The following MMUT variants were observed in gnomAD, a reference collection of about 807,000 sequenced individuals.
The protein encoded by MMUT is methylmalonyl-CoA mutase.
In MMUT, 79 loss-of-function variants were observed where a neutral mutation model predicts 79.9. That is an observed-to-expected ratio of 0.99 (90% CI 0.82 to 1.19). The LOEUF (loss-of-function observed/expected upper bound fraction) is 1.19, where lower values mean the gene tolerates loss of function less well. MMUT is among the 50% of genes most tolerant of loss of function. The pLI is 0.00. For missense variants in MMUT, 860 were observed against 917.2 expected (o/e 0.94, Z 0.81); for synonymous variants, 273 against 295.7 (o/e 0.92, Z 0.79).
At chr6:49,450,060 G>A (rs1170413854) in intron 6 of MMUT, among the ~76,000 whole-genome samples, 6 of 151,676 alleles carry the variant, frequency 4.0e-5, no homozygotes, top group East Asian at 3.9e-4. Flanking sequence ...GTGAACCCCC[G>A]TCTCCATTAA....
intron 4 of MMUT, among the ~76,000 whole-genome samples, chr6:49,455,122 C>T (rs1445628545): frequency 6.6e-6 from 1 of 150,612 alleles, no homozygotes; most frequent in Non-Finnish European, 1.5e-5. Context: ...AATAAGTATG[C>T]TTCTTAAAAA....
chr6:49,460,228 A>G (rs1169983927), intron 1 of MMUT, among the ~76,000 whole-genome samples: 1 of 152,226 alleles, frequency 6.6e-6, no homozygotes, highest in Non-Finnish European at 1.5e-5. Flanking sequence ...GACATCACAG[A>G]GAGTAGCAAT....
chr6:49,460,646 C>T (rs1352533749), intron 1 of MMUT, among the ~76,000 whole-genome samples: 1 of 152,128 alleles, frequency 6.6e-6, no homozygotes, highest in Non-Finnish European at 1.5e-5. Flanking sequence ...AGTCATACAG[C>T]GTAAACATAT....
At chr6:49,442,296 C>T (rs1303771182) in intron 9 of MMUT, among the ~76,000 whole-genome samples, 2 of 152,062 alleles carry the variant, frequency 1.3e-5, no homozygotes, top group Non-Finnish European at 1.5e-5. Context: ...TAAACAGCAA[C>T]ACTCCCATAA....
At chr6:49,437,922 G>A (rs1767174985) in intron 11 of MMUT, among the ~76,000 whole-genome samples, 1 of 151,840 alleles carries the variant, frequency 6.6e-6, no homozygotes, top group South Asian at 2.1e-4. Context: ...TAACAAGTGA[G>A]GTGCCCTCTT....
rs904284870 is a variant in MMUT, at chr6:49,431,595, G to A, written c.*133C>T. ...AGCATGACACCAGGCCTATAAGTAA[G>A]GTATTTTAAAGTAAAGCTTTCAAGG... On this transcript the variant is annotated 3_prime_UTR_variant, in exon 13 of 13. Coordinates refer to ENST00000274813, the MANE Select transcript of MMUT (RefSeq NM_000255.4). 3.3e-6 allele frequency: 3 copies of A among 906,522 alleles called. No homozygotes were observed. The highest frequency in any genetic ancestry group is 5.2e-5 in the East Asian group (2 of 38,188). 56.2% of individuals were successfully genotyped at this position (906,522 alleles called of 1,614,324 possible).
At chr6:49,455,668 T>C (rs753870797) in intron 4 of MMUT, among the ~76,000 whole-genome samples, 1 of 152,222 alleles carries the variant, frequency 6.6e-6, no homozygotes, top group Non-Finnish European at 1.5e-5. Flanking sequence ...TAAGAAACTG[T>C]TGTGAAACAA....
At chr6:49,434,519 C>A (rs541213595) in intron 12 of MMUT, among the ~76,000 whole-genome samples, 2 of 152,112 alleles carry the variant, frequency 1.3e-5, no homozygotes, top group African/African-American at 2.4e-5. Flanking sequence ...GCCTTTGCAG[C>A]TAGCATCTAT....
At chr6:49,448,204 A>C (rs1180259808) in intron 7 of MMUT, among the ~76,000 whole-genome samples, 1 of 152,060 alleles carries the variant, frequency 6.6e-6, no homozygotes, top group East Asian at 1.9e-4. Flanking sequence ...GTAAATCAAA[A>C]TTACAAAGAT....
At position 49,459,478 on chromosome 6, in the gene MMUT, G is replaced by A. The variant is rs1332911174; in HGVS notation, c.-12C>T. ...TTAGCTCTTAACATGGTGGAGCATG[G>A]AAACACCCAATAGAAATAAGAACTG... On this transcript the variant is annotated 5_prime_UTR_variant, in exon 2 of 13. Coordinates refer to ENST00000274813, the MANE Select transcript of MMUT (RefSeq NM_000255.4). 1.2e-6 allele frequency: 2 copies of A among 1,608,142 alleles called. No individual in the cohort carries two copies. Among genetic ancestry groups the A allele is most frequent in the South Asian group, 1.1e-5 (1 of 90,958 alleles).
chr6:49,461,764 G>A (rs1234927761), intron 1 of MMUT, among the ~76,000 whole-genome samples: 2 of 152,042 alleles, frequency 1.3e-5, no homozygotes, highest in East Asian at 3.9e-4. Context: ...GAGAGACCCC[G>A]TCTCAAAACA....
intron 10 of MMUT, 106 bp from the exon 11 acceptor site, chr6:49,440,459 A>T (rs1055381041): frequency 1.6e-6 from 2 of 1,223,600 alleles, no homozygotes; most frequent in Admixed American, 2.3e-5. Flanking sequence ...ATTTAAAAGC[A>T]CCTAATTTGT....
Position 49,435,607 on chromosome 6 carries a change from G to A in MMUT, c.1973C>T (p.Ala658Val), listed in dbSNP as rs1271774402. ...CACATCCGCATCCACAGCCTGCTGG[G>A]CCACTTCACGAGGAGTCTAAACAGT... ...GPLFQTPREV[A>V]QQAVDADVHA... is the part of the protein sequence containing the mutation. The change falls in exon 12 of 13, where the codon GCC becomes GTC. Residue 658 changes from alanine (A) to valine (V), a missense_variant. Ala to Val is a moderately conservative substitution (Grantham distance 64). Transcript: ENST00000274813. The A allele has an allele frequency of 1.2e-5, 20 of 1,613,720 alleles. No homozygotes were observed. Among genetic ancestry groups the A allele is most frequent in the Non-Finnish European group, 1.7e-5 (20 of 1,179,900 alleles).
At chr6:49,434,994 T>A (rs1329644911) in intron 12 of MMUT, among the ~76,000 whole-genome samples, 4 of 152,158 alleles carry the variant, frequency 2.6e-5, no homozygotes, top group Non-Finnish European at 5.9e-5. Flanking sequence ...AAGCACAAGG[T>A]AGCTCCTTCT....
intron 1 of MMUT, among the ~76,000 whole-genome samples, chr6:49,462,784 C>T (rs1001414175): frequency 3.9e-5 from 6 of 152,128 alleles, no homozygotes; most frequent in African/African-American, 1.4e-4. Context: ...CAAAAAGTGA[C>T]CTCTGCCAAC....
At chr6:49,453,989 A>C (rs1767624758) in intron 4 of MMUT, among the ~76,000 whole-genome samples, 1 of 152,174 alleles carries the variant, frequency 6.6e-6, no homozygotes, top group African/African-American at 2.4e-5. Context: ...TCACTTTGTA[A>C]TTGGTTTTCT....
At chr6:49,449,267 A>C (rs895875463) in intron 6 of MMUT, among the ~76,000 whole-genome samples, 2 of 152,172 alleles carry the variant, frequency 1.3e-5, no homozygotes, top group African/African-American at 4.8e-5. Context: ...ATATTTTAAA[A>C]TGCAATTTAC....
chr6:49,453,533 A>T (rs565752383), intron 5 of MMUT, 52 bp downstream of exon 5: 318 of 1,024,944 alleles, frequency 3.1e-4, no homozygotes, highest in African/African-American at 1.6e-3. Context: ...GCTCAGAAAA[A>T]ATATATATAT....
intron 8 of MMUT, 85 bp from the exon 9 acceptor site, chr6:49,444,839 T>C (rs1767372872): frequency 6.0e-6 from 6 of 1,002,266 alleles, no homozygotes; most frequent in African/African-American, 3.2e-5. Flanking sequence ...ATGCATAGCA[T>C]ATGGCATTTT....
Sources: allele counts gnomAD v4.1 joint callset (sites outside exome capture counted in the v4.1 genomes callset), GRCh38; gene constraint gnomAD v4.1.1; transcripts MANE v1.5; gene names NCBI Gene and HGNC (gene_info 2026-07-23, HGNC 2026-07-21).